Variants in TNNI3K observed in about 807,000 individuals in gnomAD.
The protein encoded by TNNI3K is serine/threonine-protein kinase TNNI3K.
A neutral mutation model predicts 114.5 loss-of-function variants in TNNI3K; 140 were observed. The ratio of observed to expected loss-of-function variants is 1.22; its 90% CI spans 1.07 to 1.41. The LOEUF (loss-of-function observed/expected upper bound fraction) is 1.41. Ranked by LOEUF, TNNI3K falls within the 40% of genes most tolerant of loss-of-function variation. The probability of loss-of-function intolerance (pLI) is 0.00; values close to 1 mark genes in which losing one functional copy is unlikely to be tolerated. For synonymous variants in TNNI3K, 347 were observed against 347.5 expected (o/e 1.00, Z 0.02); for missense variants, 1,125 against 1,007.6 (o/e 1.12, Z -1.58).
intron 11 of TNNI3K, among the ~76,000 whole-genome samples, chr1:74,362,628 G>T (rs992904527): frequency 1.2e-4 from 19 of 152,216 alleles, no homozygotes; most frequent in Admixed American, 5.2e-4. Flanking sequence ...AGCATCTATT[G>T]TATATATGAC....
At chr1:74,323,710 A>G (rs564094652) in intron 5 of TNNI3K, among the ~76,000 whole-genome samples, 1 of 152,234 alleles carries the variant, frequency 6.6e-6, no homozygotes, top group East Asian at 1.9e-4. Context: ...GATGAAATCA[A>G]TCAAGGATAT....
chr1:74,406,002 T>A (rs1410500700), intron 17 of TNNI3K, among the ~76,000 whole-genome samples: 1 of 152,228 alleles, frequency 6.6e-6, no homozygotes, highest in Non-Finnish European at 1.5e-5. Flanking sequence ...CTCTATAGGT[T>A]AAAAAGCCTG....
intron 11 of TNNI3K, among the ~76,000 whole-genome samples, chr1:74,363,921 A>G (rs1314421990): frequency 2.6e-3 from 2 of 772 alleles, no homozygotes; most frequent in Non-Finnish European, 0.5. Flanking sequence ...ATAAATAAAA[A>G]ATAAAAAAAA....
At chr1:74,464,581 C>A (rs1329246448) in intron 21 of TNNI3K, 5 of 1,499,824 alleles carry the variant, frequency 3.3e-6, no homozygotes, top group Non-Finnish European at 4.4e-6. Flanking sequence ...ATAAAATAGG[C>A]CCCAGTCCAG....
Position 74,322,613 on chromosome 1 carries a change from G to A in TNNI3K, c.445-8837G>A, listed in dbSNP as rs752737836. ...GTATCTGGGAGTACAGGTGCACATCGCCACGCCCAGCTAATTTTTTGTATT... is the reference window on the plus strand; with the variant it reads ...GTATCTGGGAGTACAGGTGCACATCACCACGCCCAGCTAATTTTTTGTATT... On this transcript the variant is annotated intron_variant, in intron 5 of 24. Transcript: ENST00000326637. Among the ~76,000 whole-genome samples the A allele has an allele frequency of 5.2e-4, 79 of 151,632 alleles. 1 individual carries two copies. The highest frequency in any genetic ancestry group is 9.9e-4 in the Non-Finnish European group (67 of 67,920).
chr1:74,396,674 C>T (rs1384826857), intron 17 of TNNI3K, among the ~76,000 whole-genome samples: 1 of 152,134 alleles, frequency 6.6e-6, no homozygotes, highest in East Asian at 1.9e-4. Context: ...ATAATAATGA[C>T]CCCAGGAAAT....
intron 9 of TNNI3K, among the ~76,000 whole-genome samples, chr1:74,343,783 T>C (rs2100447142): frequency 6.6e-6 from 1 of 152,004 alleles, no homozygotes. Flanking sequence ...TTAGAAAAGT[T>C]GCAACCAAAA....
chr1:74,438,569 C>T (rs1237381043), intron 19 of TNNI3K, among the ~76,000 whole-genome samples: 1 of 151,874 alleles, frequency 6.6e-6, no homozygotes, highest in African/African-American at 2.4e-5. Context: ...AATCTGAGGT[C>T]CAGGAAACAT....
In TNNI3K at chr1:74,343,128, G is replaced by A. The variant is rs1557508743; in HGVS notation, c.881G>A (p.Gly294Glu). The change falls in exon 9 of 25, where the codon GGA (glycine) becomes GAA (glutamate). Residue 294 changes from glycine (G) to glutamate (E), a missense_variant. By Grantham distance (98) the Gly-to-Glu change is moderately conservative (BLOSUM62 -2). Transcript: ENST00000326637. ...GCCAAGGAAATCATCCAAATATCAG[G>A]AACAGAAAGTCTGACTAAGGAAAAC... ...EVAKEIIQISGTESLTKENIF... is the reference protein window; with the variant it reads ...EVAKEIIQISETESLTKENIF... 1 of 1,613,362 alleles carries A rather than the reference G, an allele frequency of 6.2e-7. No individual in the cohort carries two copies. Among genetic ancestry groups the A allele is most frequent in the African/African-American group, 1.3e-5 (1 of 74,982 alleles).
chr1:74,412,561 T>G (rs1664933271), intron 17 of TNNI3K, among the ~76,000 whole-genome samples: 1 of 152,318 alleles, frequency 6.6e-6, no homozygotes, highest in Middle Eastern at 3.4e-3. Flanking sequence ...TTGTCTCACG[T>G]TGACTCAATG....
At chr1:74,307,053 G>T (rs938008816) in intron 5 of TNNI3K, among the ~76,000 whole-genome samples, 1 of 152,114 alleles carries the variant, frequency 6.6e-6, no homozygotes, top group East Asian at 1.9e-4. Flanking sequence ...AGAGGTAAAC[G>T]TCCAGTTTTA....
intron 20 of TNNI3K, among the ~76,000 whole-genome samples, chr1:74,449,557 A>G (rs1407497202): frequency 6.6e-6 from 1 of 152,010 alleles, no homozygotes; most frequent in Non-Finnish European, 1.5e-5. Flanking sequence ...AGGATGGAGG[A>G]AGATCTACCA....
intron 3 of TNNI3K, 69 bp from the exon 4 acceptor site, chr1:74,250,603 G>A (rs1295767069): frequency 3.5e-6 from 5 of 1,432,552 alleles, no homozygotes; most frequent in Non-Finnish European, 4.7e-6. Flanking sequence ...TTTATCATTA[G>A]GTCAAAAAGA....
At chr1:74,268,647 CT>C (rs954092022) in intron 4 of TNNI3K, among the ~76,000 whole-genome samples, 4 of 151,864 alleles carry the variant, frequency 2.6e-5, no homozygotes, top group African/African-American at 4.8e-5. Context: ...TACAATTACT[CT>C]TTTTTTATAT....
At chr1:74,409,774 G>A (rs1004011861) in intron 17 of TNNI3K, among the ~76,000 whole-genome samples, 3 of 152,128 alleles carry the variant, frequency 2.0e-5, no homozygotes, top group Non-Finnish European at 4.4e-5. Flanking sequence ...GATTACAGGC[G>A]TGAGCCACCA....
At chr1:74,290,219 T>G (rs1657594051) in intron 5 of TNNI3K, among the ~76,000 whole-genome samples, 1 of 151,548 alleles carries the variant, frequency 6.6e-6, no homozygotes, top group African/African-American at 2.4e-5. Flanking sequence ...TTTCTTTTTT[T>G]TTTTTCAAGA....
chr1:74,376,479 T>G (rs1045382129), intron 17 of TNNI3K: 1 of 152,002 alleles, frequency 6.6e-6, no homozygotes, highest in African/African-American at 2.4e-5. Flanking sequence ...GCAGACCAAT[T>G]AACTGATTAT....
intron 17 of TNNI3K, among the ~76,000 whole-genome samples, chr1:74,420,707 C>T (rs752636599): frequency 4.6e-5 from 7 of 152,052 alleles, no homozygotes; most frequent in Non-Finnish European, 1.0e-4. Context: ...TGCAATGTTC[C>T]GCAGATGCCA....
At chr1:74,397,581 T>G (rs1241944764) in intron 17 of TNNI3K, among the ~76,000 whole-genome samples, 1 of 152,202 alleles carries the variant, frequency 6.6e-6, no homozygotes, top group Non-Finnish European at 1.5e-5. Context: ...AATAGATACT[T>G]GCTTGAATTC....
Sources: allele counts gnomAD v4.1 joint callset (sites outside exome capture counted in the v4.1 genomes callset), GRCh38; gene constraint gnomAD v4.1.1; transcripts MANE v1.5; gene names NCBI Gene and HGNC (gene_info 2026-07-23, HGNC 2026-07-21).